Variants in EPB41L4A observed in about 807,000 individuals in gnomAD.
EPB41L4A encodes band 4.1-like protein 4A.
A neutral mutation model predicts 108.6 loss-of-function variants in EPB41L4A; 100 were observed. The ratio of observed to expected loss-of-function variants is 0.92; its 90% confidence interval spans 0.78 to 1.09. EPB41L4A has a LOEUF of 1.09. Among genes scored for constraint, EPB41L4A ranks in the 50% least tolerant of loss-of-function variants. EPB41L4A has a pLI of 0.00. For missense variants in EPB41L4A, 1,030 were observed against 842.7 expected, an observed-to-expected ratio of 1.22 and a Z score of -2.75; for synonymous variants, 319 against 289.0, an observed-to-expected ratio of 1.10 and a Z score of -1.05.
chr5:112,185,122 CCT>C (rs1761362869), intron 17 of EPB41L4A, among the ~76,000 whole-genome samples: 1 of 151,428 alleles, frequency 6.6e-6, no homozygotes, highest in Non-Finnish European at 1.5e-5. Context: ...AAACGGAACC[CCT>C]GTTATTTGAA....
chr5:112,345,766 T>C (rs966323285), intron 1 of EPB41L4A, among the ~76,000 whole-genome samples: 9 of 112,330 alleles, frequency 8.0e-5, no homozygotes, highest in East Asian at 5.5e-4. Context: ...TATATATATA[T>C]ACATATATAT....
intron 4 of EPB41L4A, among the ~76,000 whole-genome samples, chr5:112,272,125 T>C (rs1752299488): frequency 7.4e-6 from 1 of 135,156 alleles, no homozygotes; most frequent in Non-Finnish European, 1.5e-5. Flanking sequence ...AAGTTCCCTG[T>C]AGCATTATTT....
chr5:112,402,561 T>C (rs1250035579), intron 1 of EPB41L4A, among the ~76,000 whole-genome samples: 1 of 152,100 alleles, frequency 6.6e-6, no homozygotes, highest in Non-Finnish European at 1.5e-5. Flanking sequence ...GAGATTAGCA[T>C]GGACCTTAAA....
intron 13 of EPB41L4A, among the ~76,000 whole-genome samples, chr5:112,145,150 C>T (rs1759202865): frequency 1.3e-5 from 2 of 152,046 alleles, no homozygotes; most frequent in Non-Finnish European, 2.9e-5. Flanking sequence ...ATTAGCCAGG[C>T]GTGGTGGCAC....
At chr5:112,367,949 GT>G (rs1270150451) in intron 1 of EPB41L4A, among the ~76,000 whole-genome samples, 2 of 152,132 alleles carry the variant, frequency 1.3e-5, no homozygotes, top group African/African-American at 4.8e-5. Flanking sequence ...GAGCTACTAT[GT>G]TTACCTTACC....
intron 11 of EPB41L4A, among the ~76,000 whole-genome samples, chr5:112,237,412 A>T (rs1422742694): frequency 6.6e-6 from 1 of 152,182 alleles, no homozygotes; most frequent in African/African-American, 2.4e-5. Context: ...TTAAAATGCA[A>T]GACAGAGTAA....
At chr5:112,294,744 C>T (rs1439216693) in intron 2 of EPB41L4A, among the ~76,000 whole-genome samples, 1 of 151,478 alleles carries the variant, frequency 6.6e-6, no homozygotes, top group Admixed American at 6.6e-5. Context: ...GGAGCTACGG[C>T]GTACCTGAAG....
chr5:112,369,920 G>A (rs1221439841), intron 1 of EPB41L4A, among the ~76,000 whole-genome samples: 1 of 152,220 alleles, frequency 6.6e-6, no homozygotes, highest in Non-Finnish European at 1.5e-5. Context: ...CCTCTGAGGT[G>A]TAGGTCTGAA....
At position 112,169,075 on chromosome 5, in the gene EPB41L4A, A is replaced by T; in HGVS notation, c.1770T>A (p.His590Gln). The T allele has an allele frequency of 1.2e-6, 2 of 1,614,136 alleles. No homozygotes were observed. The highest frequency in any genetic ancestry group is 1.7e-6 in the Non-Finnish European group (2 of 1,179,976). ...GGCGGTAACTTCGTGGCGAATGAGA[A>T]TGCCTGATGCGGATTGGGTCACCTT... ...ETQGDPIRIR[H>Q]SHSPRSYRQY... Residue 590 changes from histidine (H) to glutamine (Q), a missense_variant, in exon 21 of 23, where the codon CAT (histidine) becomes CAA (glutamine). By Grantham distance (24) the His-to-Gln change is conservative. Transcript: ENST00000261486.
downstream of EPB41L4A, among the ~76,000 whole-genome samples, chr5:112,159,898 T>C (rs1011506805): frequency 2.0e-5 from 3 of 147,046 alleles, no homozygotes; most frequent in Non-Finnish European, 3.0e-5. Flanking sequence ...CTGTTTCTTT[T>C]TACTTTTTTT....
At chr5:112,374,014 C>T (rs1759654324) in intron 1 of EPB41L4A, among the ~76,000 whole-genome samples, 1 of 152,198 alleles carries the variant, frequency 6.6e-6, no homozygotes, top group Non-Finnish European at 1.5e-5. Context: ...ATACACTTGT[C>T]AGTTCTGTCA....
At chr5:112,177,640 G>A (rs1760935489) in intron 18 of EPB41L4A, among the ~76,000 whole-genome samples, 1 of 152,132 alleles carries the variant, frequency 6.6e-6, no homozygotes, top group Admixed American at 6.5e-5. Flanking sequence ...ATTTTAATAC[G>A]AGGCTTCTAA....
intron 9 of EPB41L4A, among the ~76,000 whole-genome samples, chr5:112,252,883 T>C (rs1160261817): frequency 6.6e-6 from 1 of 152,096 alleles, no homozygotes; most frequent in Non-Finnish European, 1.5e-5. Context: ...TAATGTATTT[T>C]AAACCATTGA....
At chr5:112,316,075 T>A (rs766655494) in intron 1 of EPB41L4A, among the ~76,000 whole-genome samples, 3 of 152,212 alleles carry the variant, frequency 2.0e-5, no homozygotes, top group Non-Finnish European at 4.4e-5. Context: ...TACAAAAGGC[T>A]TATAATCGTA....
rs189413871 is a variant in EPB41L4A, at chr5:112,204,673, A to G, written c.1263-185T>C. 4.2e-4 allele frequency: 194 copies of G among 457,980 alleles called. 3 individuals carry two copies. In the South Asian group the frequency reaches 7.0e-3, roughly 17 times the overall value. 28.4% of individuals were successfully genotyped at this position (457,980 alleles called of 1,614,324 possible). A position where few individuals can be genotyped will look rare whatever the true frequency, so the allele number is the denominator to read the frequency against. On this transcript the variant is annotated intron_variant, in intron 14 of 22. Transcript: ENST00000261486. ...GAGGTAAGATCTGGCAAATCAAATC[A>G]TAAAGGTCATTATTTTGCAGGAATG...
chr5:112,225,684 C>A (rs535886436), intron 12 of EPB41L4A, among the ~76,000 whole-genome samples: 32 of 152,270 alleles, frequency 2.1e-4, no homozygotes, highest in African/African-American at 7.7e-4. Context: ...ACTTTCCCAC[C>A]CAATTTGTCT....
rs925650716 is a variant in EPB41L4A at position 112,164,897 on chromosome 5, C to G, written c.*93G>C. On this transcript the variant is annotated 3_prime_UTR_variant, in exon 23 of 23. Transcript: ENST00000261486. ...TCATGCTGAAGAAATACTTGCAGGTCTGAGATTTGAATTAAGATACCTATT... is the reference window on the plus strand; with the variant it reads ...TCATGCTGAAGAAATACTTGCAGGTGTGAGATTTGAATTAAGATACCTATT... The G allele has an allele frequency of 8.3e-7, 1 of 1,205,034 alleles. No individual in the cohort carries two copies. The highest frequency in any genetic ancestry group is 1.1e-6 in the Non-Finnish European group (1 of 890,728). The allele number at this position is 1,205,034 out of a possible 1,614,324, so 74.6% of individuals were successfully genotyped here. A position where few individuals can be genotyped will look rare whatever the true frequency, so the allele number is the denominator to read the frequency against.
intron 12 of EPB41L4A, among the ~76,000 whole-genome samples, chr5:112,215,042 C>A (rs1436747958): frequency 6.6e-6 from 1 of 152,096 alleles, no homozygotes; most frequent in African/African-American, 2.4e-5. Context: ...AACAGTGCAC[C>A]ACCCATGGTA....
At chr5:112,198,189 C>G (rs1762054076) in intron 15 of EPB41L4A, among the ~76,000 whole-genome samples, 1 of 152,076 alleles carries the variant, frequency 6.6e-6, no homozygotes, top group African/African-American at 2.4e-5. Flanking sequence ...CATGCACCAC[C>G]ACGCCTGGCT....
Sources: allele counts gnomAD v4.1 joint callset (sites outside exome capture counted in the v4.1 genomes callset), GRCh38; gene constraint gnomAD v4.1.1; transcripts MANE v1.5; gene names NCBI Gene and HGNC (gene_info 2026-07-23, HGNC 2026-07-21).